GULP1: variants seen among roughly 807,000 people sequenced by gnomAD.
GULP1 encodes GULP PTB domain containing engulfment adaptor 1.
A neutral mutation model predicts 40.9 loss-of-function variants in GULP1; 19 were observed. The observed-to-expected ratio is 0.46, with a 90% CI of 0.32 to 0.68. The LOEUF (loss-of-function observed/expected upper bound fraction) is 0.68. Ranked by LOEUF, GULP1 falls within the 30% of genes least tolerant of loss-of-function variation. GULP1 has a pLI of 0.03. For missense variants in GULP1, 312 were observed against 362.2 expected (o/e 0.86, Z 1.12); for synonymous variants, 119 against 117.6 (o/e 1.01, Z -0.08).
At chr2:188,430,318 G>T (rs898512620) in intron 2 of GULP1, among the ~76,000 whole-genome samples, 4 of 152,106 alleles carry the variant, frequency 2.6e-5, no homozygotes, top group African/African-American at 4.8e-5. Flanking sequence ...AAAACAACAG[G>T]AATTGTTGCA....
intron 7 of GULP1, among the ~76,000 whole-genome samples, chr2:188,557,312 G>A (rs937460703): frequency 6.6e-6 from 1 of 152,168 alleles, no homozygotes; most frequent in Non-Finnish European, 1.5e-5. Context: ...TTATGAGACT[G>A]CAAAATCCAA....
chr2:188,423,413 C>A (rs2055727150), intron 2 of GULP1, among the ~76,000 whole-genome samples: 1 of 151,758 alleles, frequency 6.6e-6, no homozygotes, highest in South Asian at 2.1e-4. Flanking sequence ...CCTATTTTTC[C>A]AAGTAATATT....
intron 1 of GULP1, among the ~76,000 whole-genome samples, chr2:188,325,211 T>C (rs569094066): frequency 2.0e-4 from 31 of 152,038 alleles, no homozygotes; most frequent in Non-Finnish European, 4.4e-4. Flanking sequence ...ATGTTGATAG[T>C]CTAATTTGGG....
chr2:188,585,490 C>A (rs1451441570), intron 10 of GULP1, among the ~76,000 whole-genome samples: 1 of 152,234 alleles, frequency 6.6e-6, no homozygotes, highest in Non-Finnish European at 1.5e-5. Flanking sequence ...TCCATACATC[C>A]TCCGAAATCT....
At chr2:188,541,654 T>C (rs933750138) in intron 7 of GULP1, 5 of 469,108 alleles carry the variant, frequency 1.1e-5, no homozygotes, top group African/African-American at 5.9e-5. Context: ...ATTATGCACA[T>C]AATACAAACA....
At chr2:188,345,862 T>G (rs2043578602) in intron 1 of GULP1, among the ~76,000 whole-genome samples, 1 of 152,242 alleles carries the variant, frequency 6.6e-6, no homozygotes, top group Admixed American at 6.5e-5. Flanking sequence ...ATTCAAATAC[T>G]TATTAAACAA....
chr2:188,482,284 G>T (rs562511810), intron 3 of GULP1, among the ~76,000 whole-genome samples: 100 of 151,908 alleles, frequency 6.6e-4, no homozygotes, highest in South Asian at 1.9e-3. Context: ...CATTAACCCA[G>T]TTTAAGAAGA....
At chr2:188,410,104 A>G (rs751571807) in intron 2 of GULP1, among the ~76,000 whole-genome samples, 1 of 152,226 alleles carries the variant, frequency 6.6e-6, no homozygotes, top group Non-Finnish European at 1.5e-5. Flanking sequence ...AAAGGACAGT[A>G]TCTTCAATAA....
chr2:188,395,752 A>G (rs892627316), intron 2 of GULP1, among the ~76,000 whole-genome samples: 3 of 152,062 alleles, frequency 2.0e-5, no homozygotes, highest in Admixed American at 1.3e-4. Flanking sequence ...TAGCCACCCA[A>G]TGGGGCTGCC....
chr2:188,572,571 T>C (rs1699283451), intron 9 of GULP1, among the ~76,000 whole-genome samples: 1 of 148,892 alleles, frequency 6.7e-6, no homozygotes, highest in Non-Finnish European at 1.5e-5. Context: ...AATCTACTTA[T>C]AGTCTTTTGT....
At chr2:188,525,912 C>T (rs898709858) in intron 5 of GULP1, among the ~76,000 whole-genome samples, 1 of 152,132 alleles carries the variant, frequency 6.6e-6, no homozygotes, top group African/African-American at 2.4e-5. Context: ...AAACATCGCT[C>T]ATTTCCCGCA....
chr2:188,331,325 G>A (rs1046171190), intron 1 of GULP1, among the ~76,000 whole-genome samples: 1 of 152,136 alleles, frequency 6.6e-6, no homozygotes, highest in Non-Finnish European at 1.5e-5. Flanking sequence ...AACTGGGATG[G>A]TAATCCATTC....
At chr2:188,378,397 A>G (rs1348749596) in intron 1 of GULP1, among the ~76,000 whole-genome samples, 2 of 152,234 alleles carry the variant, frequency 1.3e-5, no homozygotes, top group East Asian at 3.8e-4. Flanking sequence ...TGATATAAGA[A>G]TATGATTGCA....
intron 1 of GULP1, among the ~76,000 whole-genome samples, chr2:188,356,812 T>C (rs527281711): frequency 7.2e-5 from 11 of 152,168 alleles, no homozygotes; most frequent in Non-Finnish European, 1.2e-4. Flanking sequence ...CAAAATATAC[T>C]ATGAAGTGCT....
At position 188,451,014 on chromosome 2, in the gene GULP1, A is replaced by G. The variant is rs1208437106; in HGVS notation, c.-44-26645A>G. Among the ~76,000 whole-genome samples the G allele has an allele frequency of 2.0e-5, 3 of 152,238 alleles. No homozygotes were observed. In the East Asian group the frequency reaches 5.8e-4, roughly 29 times the overall value. On this transcript the variant is annotated intron_variant, in intron 2 of 11. Coordinates refer to ENST00000409830, the MANE Select transcript of GULP1 (RefSeq NM_016315.4). Reference sequence around the variant, plus strand: ...AATTACTCAATTAGTAAATGGGTATATGCTACCATTTAAACTCCAAAATGT... The same window carrying G: ...AATTACTCAATTAGTAAATGGGTATGTGCTACCATTTAAACTCCAAAATGT...
At chr2:188,297,569 G>T (rs1022262507) in intron 1 of GULP1, 5 of 430,614 alleles carry the variant, frequency 1.2e-5, no homozygotes, top group Non-Finnish European at 1.9e-5. Context: ...TAAGATCCTT[G>T]AAGTTCCTGG....
At chr2:188,433,262 T>C (rs773395546) in intron 2 of GULP1, among the ~76,000 whole-genome samples, 6 of 152,132 alleles carry the variant, frequency 3.9e-5, no homozygotes, top group Non-Finnish European at 7.4e-5. Flanking sequence ...TCTTTCTTCA[T>C]TTGTAAATGA....
chr2:188,497,763 C>T (rs1029793950), intron 4 of GULP1, among the ~76,000 whole-genome samples: 3 of 151,814 alleles, frequency 2.0e-5, no homozygotes, highest in African/African-American at 7.3e-5. Flanking sequence ...ACAGACAGAC[C>T]CTTTGGATCT....
chr2:188,480,225 A>G (rs1322969224), intron 3 of GULP1, among the ~76,000 whole-genome samples: 1 of 152,094 alleles, frequency 6.6e-6, no homozygotes, highest in East Asian at 1.9e-4. Flanking sequence ...GCCATAAGCT[A>G]TAATTATATC....
Sources: gnomAD v4.1 joint callset for allele counts (sites outside exome capture counted in the v4.1 genomes callset) on GRCh38, gnomAD v4.1.1 for gene constraint, MANE v1.5 for transcripts, NCBI Gene and HGNC (gene_info 2026-07-23, HGNC 2026-07-21) for gene names.